JPH2: variants seen among roughly 807,000 people sequenced by gnomAD.
The protein encoded by JPH2 is junctophilin 2.
In JPH2, 38 loss-of-function variants were observed where a neutral mutation model predicts 55.9. The ratio of observed to expected loss-of-function variants is 0.68; its 90% CI spans 0.52 to 0.89. The LOEUF is 0.89. Ranked by LOEUF, JPH2 falls within the 40% of genes least tolerant of loss-of-function variation. The probability of loss-of-function intolerance (pLI) is 0.00; values close to 1 mark genes in which losing one functional copy is unlikely to be tolerated. For missense variants in JPH2, 964 were observed against 1,037.6 expected (o/e 0.93, Z 0.97); for synonymous variants, 480 against 472.4 (o/e 1.02, Z -0.21).
chr20:44,126,224 C>T (rs1254876628), intron 2 of JPH2, among the ~76,000 whole-genome samples: 1 of 143,574 alleles, frequency 7.0e-6, no homozygotes, highest in Non-Finnish European at 1.5e-5. Context: ...GGAGGGGGCA[C>T]AGTGTTTTGA....
intron 1 of JPH2, among the ~76,000 whole-genome samples, chr20:44,164,508 G>C (rs527408621): frequency 6.6e-6 from 1 of 152,338 alleles, no homozygotes; most frequent in East Asian, 1.9e-4. Flanking sequence ...ACACAGTGAA[G>C]TGCTAGAAAA....
At chr20:44,134,580 A>G (rs1447644632) in intron 2 of JPH2, among the ~76,000 whole-genome samples, 1 of 21,370 alleles carries the variant, frequency 4.7e-5, no homozygotes, top group African/African-American at 2.5e-4. Flanking sequence ...TATATTTATT[A>G]TAAATATATA....
At chr20:44,118,414 C>A in intron 3 of JPH2, 91 bp downstream of exon 3, 1 of 1,013,588 alleles carries the variant, frequency 9.9e-7, no homozygotes, top group Non-Finnish European at 1.5e-6. Context: ...ATCCAGGAAA[C>A]CACTTGGGCA....
In JPH2 at chr20:44,159,700, G is replaced by A. The variant is rs751173523; in HGVS notation, c.1087C>T (p.Arg363Cys). The A allele has an allele frequency of 7.4e-6, 12 of 1,613,098 alleles. No homozygotes were observed. Among genetic ancestry groups the A allele is most frequent in the Non-Finnish European group, 8.5e-6 (10 of 1,179,972 alleles). The change falls in exon 2 of 6, where the codon CGC becomes TGC. Residue 363 changes from arginine (R) to cysteine (C), a missense_variant. Coordinates refer to ENST00000372980, the MANE Select transcript of JPH2 (RefSeq NM_020433.5). The surrounding 1 kb of genome is among the most constrained non-coding windows in gnomAD (Gnocchi z 5.7). ...RMLQLKSNKV[R>C]QKVEHSVEGA... ...TCCACACTGTGCTCCACTTTCTGGC[G>A]GACCTTGTTGCTCTTGAGCTGCAGC...
chr20:44,184,458 A>C (rs563526456), intron 1 of JPH2, among the ~76,000 whole-genome samples: 2 of 152,032 alleles, frequency 1.3e-5, no homozygotes, highest in Non-Finnish European at 2.9e-5. Flanking sequence ...TTGGACACAC[A>C]CTCAGAGATT....
At chr20:44,113,760 C>T (rs1415594852) in intron 5 of JPH2, among the ~76,000 whole-genome samples, 1 of 152,228 alleles carries the variant, frequency 6.6e-6, no homozygotes, top group Non-Finnish European at 1.5e-5. Flanking sequence ...CATCTCTTCC[C>T]TCTTCCTCCC....
chr20:44,172,691 G>T (rs1259857552), intron 1 of JPH2, among the ~76,000 whole-genome samples: 3 of 152,104 alleles, frequency 2.0e-5, no homozygotes, highest in Non-Finnish European at 4.4e-5. Context: ...GTCTCGCTAT[G>T]TTGCCCAGGC....
intron 1 of JPH2, among the ~76,000 whole-genome samples, chr20:44,173,964 T>C: frequency 6.6e-6 from 1 of 152,090 alleles, no homozygotes; most frequent in East Asian, 1.9e-4. Flanking sequence ...GATCTTCTAG[T>C]CCAAGCCCAT....
intron 2 of JPH2, among the ~76,000 whole-genome samples, chr20:44,148,406 C>T (rs1204859003): frequency 2.0e-5 from 3 of 152,144 alleles, no homozygotes; most frequent in Non-Finnish European, 4.4e-5. Flanking sequence ...TGTCTCCTGA[C>T]TCCCGTTCCA....
intron 2 of JPH2, among the ~76,000 whole-genome samples, chr20:44,129,761 T>TTGAGA (rs2072304223): frequency 2.0e-5 from 3 of 151,986 alleles, no homozygotes; most frequent in Admixed American, 6.6e-5. Context: ...TCATCCTGGA[T>TTGAGA]TAGACAGGAA....
At chr20:44,174,719 A>G (rs2072720915) in intron 1 of JPH2, among the ~76,000 whole-genome samples, 1 of 152,028 alleles carries the variant, frequency 6.6e-6, no homozygotes, top group African/African-American at 2.4e-5. Flanking sequence ...GGTTGCAGTA[A>G]GCCAGGTGTG....
chr20:44,153,436 C>A (rs1436619030), intron 2 of JPH2, among the ~76,000 whole-genome samples: 1 of 152,232 alleles, frequency 6.6e-6, no homozygotes, highest in African/African-American at 2.4e-5. Flanking sequence ...CCATGGACTA[C>A]ATAGGTTCCT....
intron 2 of JPH2, among the ~76,000 whole-genome samples, chr20:44,152,797 G>T (rs1055264609): frequency 1.3e-5 from 2 of 152,232 alleles, no homozygotes; most frequent in Non-Finnish European, 2.9e-5. Flanking sequence ...GGCCTCCGTG[G>T]GTGCCTACGG....
chr20:44,123,977 C>CA (rs1275760831), intron 2 of JPH2, among the ~76,000 whole-genome samples: 2 of 152,178 alleles, frequency 1.3e-5, no homozygotes, highest in Non-Finnish European at 2.9e-5. Flanking sequence ...GCTGACCACT[C>CA]ACCATCTCTG....
chr20:44,125,171 A>G (rs1035925450), intron 2 of JPH2, among the ~76,000 whole-genome samples: 3 of 152,064 alleles, frequency 2.0e-5, no homozygotes, highest in African/African-American at 7.2e-5. Flanking sequence ...TGAAATCCAG[A>G]TATCTGTGTC....
At position 44,108,950 on chromosome 20, in the gene JPH2, T is replaced by G. The variant is rs779082934; in HGVS notation, c.*4568A>C. Among the ~76,000 whole-genome samples, 1 of 152,226 alleles carries G rather than the reference T, an allele frequency of 6.6e-6. No individual in the cohort carries two copies. The highest frequency in any genetic ancestry group is 2.4e-5 in the African/African-American group (1 of 41,456). On this transcript the variant is annotated 3_prime_UTR_variant, in exon 6 of 6. Transcript: ENST00000372980. ...ATCTCTGACAACCTAAGGAGTTATT[T>G]CCTCAAGCTTCTTCAGAGAAGAAGG...
chr20:44,143,006 A>G (rs981924162), intron 2 of JPH2, among the ~76,000 whole-genome samples: 1 of 152,164 alleles, frequency 6.6e-6, no homozygotes, highest in African/African-American at 2.4e-5. Flanking sequence ...ACTAGAAGGG[A>G]GCTCAGAGCT....
At position 44,116,240 on chromosome 20, in the gene JPH2, G is replaced by C; in HGVS notation, c.1435C>G (p.Arg479Gly). ...SPQLHERETP[R>G]PEGGSPSPAG... ...GGTGACGGGGAGCCACCCTCGGGCC[G>C]AGGGGTCTCACGCTCGTGCAGCTGC... The change falls in exon 4 of 6, where the codon CGG (arginine) becomes GGG (glycine). Residue 479 changes from arginine (R) to glycine (G), a missense_variant. Transcript: ENST00000372980. 6.8e-7 allele frequency: 1 copy of C among 1,463,820 alleles called. No homozygotes were observed. Among genetic ancestry groups the C allele is most frequent in the Non-Finnish European group, 9.0e-7 (1 of 1,116,396 alleles). 90.7% of individuals were successfully genotyped at this position (1,463,820 alleles called of 1,614,324 possible). A position where few individuals can be genotyped will look rare whatever the true frequency, so the allele number is the denominator to read the frequency against.
chr20:44,118,382 CCA>C, intron 3 of JPH2, 121 bp downstream of exon 3: 1 of 811,718 alleles, frequency 1.2e-6, no homozygotes, highest in Non-Finnish European at 2.2e-6. Flanking sequence ...GCACCATGCC[CCA>C]GTTTCTGAGA....
Sources: allele counts gnomAD v4.1 joint callset (sites outside exome capture counted in the v4.1 genomes callset), GRCh38; gene constraint gnomAD v4.1.1; non-coding constraint Gnocchi (gnomAD v3.1); transcripts MANE v1.5; gene names NCBI Gene and HGNC (gene_info 2026-07-23, HGNC 2026-07-21).